The following EFCAB13 variants were observed in gnomAD, a reference collection of about 807,000 sequenced individuals.
EFCAB13 encodes the protein EF-hand calcium-binding domain-containing protein 13.
In EFCAB13, 91 loss-of-function variants were observed where a neutral mutation model predicts 110.2. The ratio of observed to expected loss-of-function variants is 0.83; its 90% CI spans 0.70 to 0.98. EFCAB13 has a LOEUF of 0.98. Among genes scored for constraint, EFCAB13 ranks in the 50% least tolerant of loss-of-function variants. EFCAB13 has a pLI of 0.00. For synonymous variants in EFCAB13, 323 were observed against 369.9 expected (o/e 0.87, Z 1.45); for missense variants, 968 against 1,119.4 (o/e 0.86, Z 1.93).
chr17:47,408,225 C>T (rs567281473), intron 20 of EFCAB13, among the ~76,000 whole-genome samples: 4 of 152,202 alleles, frequency 2.6e-5, no homozygotes, highest in East Asian at 1.9e-4. Context: ...TTGTAAGTGT[C>T]GAGTTGTTGT....
chr17:47,345,092 T>C lies in EFCAB13; in HGVS notation c.511T>C (p.Leu171=), dbSNP rs1476447065. 8 of 1,597,432 alleles carry C rather than the reference T, an allele frequency of 5.0e-6. No individual in the cohort carries two copies. Among genetic ancestry groups the C allele is most frequent in the Non-Finnish European group, 6.0e-6 (7 of 1,171,304 alleles). The part of the protein sequence containing the change: ...VTHGYLHSKE[L]SALHKACKIF... The stretch of plus-strand genomic sequence containing the variant: ...CCATGGATATTTACACTCAAAAGAA[T>C]TAAGTGGTAATAAGAGGTTCTAAAA... Residue 171 remains leucine (L), a synonymous_variant, in exon 8 of 25, where the codon TTA becomes CTA. Transcript: ENST00000331493.
chr17:47,389,689 A>C (rs563026063), intron 14 of EFCAB13, among the ~76,000 whole-genome samples: 3 of 151,916 alleles, frequency 2.0e-5, no homozygotes, highest in African/African-American at 7.2e-5. Context: ...CTTTTTGTAT[A>C]AATGGTCCAC....
intron 23 of EFCAB13, among the ~76,000 whole-genome samples, chr17:47,421,165 C>T (rs1026869385): frequency 2.0e-5 from 3 of 151,634 alleles, no homozygotes; most frequent in Non-Finnish European, 4.4e-5. Context: ...TCATTGAGAA[C>T]GGGCCATGAT....
chr17:47,371,597 A>G (rs2065585249), intron 11 of EFCAB13, among the ~76,000 whole-genome samples: 2 of 151,790 alleles, frequency 1.3e-5, no homozygotes, highest in Admixed American at 1.3e-4. Flanking sequence ...TGGGTTCTTT[A>G]TTCTGTTCCA....
At chr17:47,405,428 CAG>C (rs1167599389) in intron 20 of EFCAB13, among the ~76,000 whole-genome samples, 3 of 152,082 alleles carry the variant, frequency 2.0e-5, no homozygotes, top group African/African-American at 7.2e-5. Flanking sequence ...CTTTTATCAA[CAG>C]GGGGTATTAT....
At chr17:47,377,130 CTT>C (rs1402437624) in intron 12 of EFCAB13, among the ~76,000 whole-genome samples, 1 of 151,952 alleles carries the variant, frequency 6.6e-6, no homozygotes, top group East Asian at 1.9e-4. Flanking sequence ...AAACAAAACA[CTT>C]CGGTATTTTT....
rs1567808505 is a variant in EFCAB13, at chr17:47,429,692, T to C, written c.2495-126T>C. 52 of 1,228,384 alleles carry C rather than the reference T, an allele frequency of 4.2e-5. No homozygotes were observed. The South Asian group carries it at 8.9e-4, about 21-fold the overall frequency. The allele number at this position is 1,228,384 out of a possible 1,614,324, so 76.1% of individuals were successfully genotyped here. ...ACTCTGGTTTTTAAAACTATACAAA[T>C]AGTTCCATGTACAATTCTAGAATCA... is the stretch of plus-strand genomic sequence containing the variant. On this transcript the variant is annotated intron_variant, in intron 23 of 24. Coordinates refer to ENST00000331493, the MANE Select transcript of EFCAB13 (RefSeq NM_152347.5).
chr17:47,408,906 T>C (rs1237676590), intron 20 of EFCAB13, among the ~76,000 whole-genome samples: 1 of 152,222 alleles, frequency 6.6e-6, no homozygotes, highest in African/African-American at 2.4e-5. Context: ...CAATCCTGTT[T>C]AGAGTTATCA....
chr17:47,332,880 G>GT (rs1237848266), intron 4 of EFCAB13, among the ~76,000 whole-genome samples: 1 of 152,172 alleles, frequency 6.6e-6, no homozygotes, highest in Non-Finnish European at 1.5e-5. Flanking sequence ...GAATATGGGA[G>GT]TGCAGATATC....
chr17:47,328,008 A>C, intron 3 of EFCAB13: 1 of 436,390 alleles, frequency 2.3e-6, no homozygotes, highest in East Asian at 3.6e-5. Flanking sequence ...AAACAGATGT[A>C]ATTGGATTTC....
intron 24 of EFCAB13, chr17:47,430,183 A>G (rs1371109912): frequency 8.7e-7 from 1 of 1,146,730 alleles, no homozygotes; most frequent in East Asian, 4.1e-5. Context: ...GAGTCCACTG[A>G]CAGTACCTAG....
intron 9 of EFCAB13, among the ~76,000 whole-genome samples, 161 bp from the exon 10 acceptor site, chr17:47,361,217 T>G (rs1222089044): frequency 1.3e-5 from 2 of 152,338 alleles, no homozygotes; most frequent in African/African-American, 4.8e-5. Flanking sequence ...TAACCACTAT[T>G]ATAAAGTTAT....
intron 7 of EFCAB13, among the ~76,000 whole-genome samples, 156 bp downstream of exon 7, chr17:47,344,448 T>C (rs1356164175): frequency 6.6e-6 from 1 of 152,104 alleles, no homozygotes; most frequent in East Asian, 1.9e-4. Context: ...GTATATGGAA[T>C]TGGAAGACTT....
chr17:47,349,420 G>A (rs1250777048), intron 9 of EFCAB13, among the ~76,000 whole-genome samples: 1 of 152,136 alleles, frequency 6.6e-6, no homozygotes, highest in Non-Finnish European at 1.5e-5. Context: ...TTAGTCTTGA[G>A]CAAAGAGCAC....
intron 24 of EFCAB13, chr17:47,430,383 A>C: frequency 5.3e-6 from 1 of 188,366 alleles, no homozygotes; most frequent in Non-Finnish European, 9.9e-6. Context: ...TATAAAAAAT[A>C]ATTTTACTAT....
At chr17:47,423,325 A>G (rs1904785079) in intron 23 of EFCAB13, 1 of 152,828 alleles carries the variant, frequency 6.5e-6, no homozygotes, top group African/African-American at 2.4e-5. Context: ...GGCTATTTAC[A>G]TTAAGATATT....
intron 14 of EFCAB13, among the ~76,000 whole-genome samples, chr17:47,384,570 G>A (rs1423501950): frequency 6.6e-6 from 1 of 152,098 alleles, no homozygotes; most frequent in Non-Finnish European, 1.5e-5. Flanking sequence ...TTGCTTGTAT[G>A]TAAGGATTTT....
At chr17:47,381,099 G>C (rs2065645213) in intron 14 of EFCAB13, among the ~76,000 whole-genome samples, 3 of 152,016 alleles carry the variant, frequency 2.0e-5, no homozygotes, top group Admixed American at 2.0e-4. Flanking sequence ...TGCCAGGATG[G>C]TCTTGATCTC....
At chr17:47,343,317 T>C (rs1012048721) in intron 6 of EFCAB13, among the ~76,000 whole-genome samples, 1 of 152,144 alleles carries the variant, frequency 6.6e-6, no homozygotes, top group Non-Finnish European at 1.5e-5. Context: ...GGCCCATATA[T>C]TTAGTGTAGA....
Sources: gnomAD v4.1 joint callset for allele counts (sites outside exome capture counted in the v4.1 genomes callset) on GRCh38, gnomAD v4.1.1 for gene constraint, MANE v1.5 for transcripts, NCBI Gene and HGNC (gene_info 2026-07-23, HGNC 2026-07-21) for gene names.